Variants in DMD observed in about 807,000 individuals in gnomAD.
DMD encodes dystrophin, also known as mutant dystrophin.
DMD carries 63 observed loss-of-function variants against 330.1 expected under a neutral mutation model. The observed-to-expected ratio is 0.19, with a 90% CI of 0.16 to 0.24. The LOEUF (loss-of-function observed/expected upper bound fraction) is 0.24, where lower values mean the gene tolerates loss of function less well. Among genes scored for constraint, DMD ranks in the 10% least tolerant of loss-of-function variants. DMD has a pLI of 1.00. For synonymous variants in DMD, 1,223 were observed against 959.8 expected, an observed-to-expected ratio of 1.27 and a Z score of -5.07; for missense variants, 3,344 against 2,684.1, an observed-to-expected ratio of 1.25 and a Z score of -5.43.
chrX:31,961,926 G>A (rs1183619533), intron 45 of DMD, among the ~76,000 whole-genome samples: 1 of 110,281 alleles, frequency 9.1e-6, no homozygotes, highest in African/African-American at 3.3e-5. Context: ...ACTACGTGTG[G>A]CCATCAAAGG....
intron 52 of DMD, among the ~76,000 whole-genome samples, chrX:31,710,435 T>C (rs1263262124): frequency 1.8e-5 from 2 of 111,148 alleles, no homozygotes; most frequent in African/African-American, 3.3e-5. Flanking sequence ...TGTTTCTCTG[T>C]TTCTATTAAT....
intron 2 of DMD, among the ~76,000 whole-genome samples, chrX:33,019,054 A>G (rs1176921531): frequency 2.7e-5 from 3 of 111,914 alleles, no homozygotes; most frequent in African/African-American, 9.7e-5. Context: ...CTACTACCAA[A>G]TACCACAAAG....
intron 1 of DMD, among the ~76,000 whole-genome samples, chrX:33,278,816 G>A (rs2053275870): frequency 9.0e-6 from 1 of 111,484 alleles, no homozygotes; most frequent in African/African-American, 3.3e-5. Flanking sequence ...AGTAAAAAAG[G>A]ACAAAGAAGG....
chrX:33,271,173 A>T (rs899296143), intron 1 of DMD, among the ~76,000 whole-genome samples: 1 of 111,406 alleles, frequency 9.0e-6, no homozygotes, highest in Admixed American at 9.6e-5. Context: ...CAACATTTTC[A>T]TAGTGTCCAA....
chrX:32,545,608 G>A (rs1194732654), intron 16 of DMD, among the ~76,000 whole-genome samples: 2 of 111,459 alleles, frequency 1.8e-5, no homozygotes, highest in African/African-American at 6.5e-5. Flanking sequence ...AGGGGTGGGG[G>A]CAGAGGAGAA....
intron 7 of DMD, among the ~76,000 whole-genome samples, chrX:32,706,333 T>A (rs745705204): frequency 9.2e-6 from 1 of 108,136 alleles, no homozygotes; most frequent in South Asian, 4.3e-4. Context: ...TGTATACATA[T>A]GTAACAAACC....
rs773332856 is a variant in DMD, at chrX:31,260,944, C to T, written c.9286+11G>A. 5.0e-6 allele frequency: 6 copies of T among 1,205,429 alleles called. No homozygotes were observed. In the African/African-American group the frequency reaches 7.0e-5, roughly 14 times the overall value. ...TCATTTAACTTGGAGGAAACATGGC[C>T]ATGTCCTTACCTAAAGACTGGTAGA... is the stretch of plus-strand genomic sequence containing the variant. On this transcript the variant is annotated intron_variant, in intron 63 of 78. Coordinates refer to ENST00000357033, the MANE Select transcript of DMD (RefSeq NM_004006.3).
chrX:31,862,105 G>T (rs1055660759), intron 48 of DMD, among the ~76,000 whole-genome samples: 1 of 110,356 alleles, frequency 9.1e-6, no homozygotes, highest in Non-Finnish European at 1.9e-5. Context: ...TGTACTGGAA[G>T]AAAGTATCTA....
chrX:32,462,564 A>T (rs1363219773), intron 25 of DMD, among the ~76,000 whole-genome samples: 1 of 111,657 alleles, frequency 9.0e-6, no homozygotes, highest in Admixed American at 9.6e-5. Context: ...TTCTGTAGAA[A>T]AATGAGAAAC....
At chrX:32,105,727 G>A (rs1020741594) in intron 44 of DMD, among the ~76,000 whole-genome samples, 3 of 111,392 alleles carry the variant, frequency 2.7e-5, no homozygotes, top group African/African-American at 9.8e-5. Flanking sequence ...TCTTTATACT[G>A]CTAATAAGTC....
chrX:33,191,486 C>A (rs182607149), intron 1 of DMD, among the ~76,000 whole-genome samples: 9 of 110,508 alleles, frequency 8.1e-5, no homozygotes, highest in Admixed American at 1.9e-4. Context: ...TGCAGTGGCA[C>A]GAACTTGGCT....
At chrX:32,722,233 T>C (rs2066401811) in intron 7 of DMD, among the ~76,000 whole-genome samples, 1 of 110,473 alleles carries the variant, frequency 9.1e-6, no homozygotes, top group Non-Finnish European at 1.9e-5. Context: ...GTCAACCTTC[T>C]ATTTCCACGG....
intron 49 of DMD, among the ~76,000 whole-genome samples, chrX:31,826,511 T>C (rs1260022559): frequency 8.9e-6 from 1 of 112,230 alleles, no homozygotes; most frequent in African/African-American, 3.2e-5. Context: ...TGCTTTTCAC[T>C]TCTCTGGCAT....
chrX:32,426,781 AAAG>A lies in DMD; in HGVS notation c.4071+11457_4071+11459del, dbSNP rs747222293. On this transcript the variant is annotated intron_variant, in intron 29 of 78. Coordinates refer to ENST00000357033, the MANE Select transcript of DMD (RefSeq NM_004006.3). Reference sequence around the variant, plus strand: ...ACCATGGAACACTACGCAGCCACAAAAAGAAGGAGTTCGTGTCCTTTGCAGGAA... The same window carrying A: ...ACCATGGAACACTACGCAGCCACAAAAAGGAGTTCGTGTCCTTTGCAGGAA... 2.9e-3 allele frequency among the ~76,000 whole-genome samples: 320 copies of A among 112,028 alleles called. 1 individual carries two copies. Among genetic ancestry groups the A allele is most frequent in the African/African-American group, 9.9e-3 (305 of 30,795 alleles).
chrX:32,542,524 T>C (rs994082047), intron 17 of DMD, among the ~76,000 whole-genome samples: 20 of 111,320 alleles, frequency 1.8e-4, no homozygotes, highest in Non-Finnish European at 3.8e-4. Context: ...AGGTAAAGAG[T>C]CGTGGGTGAC....
At chrX:32,528,093 G>C (rs1400385897) in intron 17 of DMD, among the ~76,000 whole-genome samples, 1 of 111,877 alleles carries the variant, frequency 8.9e-6, no homozygotes, top group African/African-American at 3.3e-5. Flanking sequence ...CAGTTCACTT[G>C]AGGTCAGGAG....
At chrX:31,130,639 C>T (rs775171858) in intron 77 of DMD, among the ~76,000 whole-genome samples, 1 of 111,977 alleles carries the variant, frequency 8.9e-6, no homozygotes, top group Non-Finnish European at 1.9e-5. Flanking sequence ...GAGAAGCATG[C>T]CACTCATTTA....
At chrX:33,323,224 A>G (rs770998226) in intron 1 of DMD, among the ~76,000 whole-genome samples, 1 of 112,071 alleles carries the variant, frequency 8.9e-6, no homozygotes, top group South Asian at 3.7e-4. Flanking sequence ...TTTTTGTTAC[A>G]TCTAATACTG....
At chrX:31,414,468 A>C (rs1057440098) in intron 60 of DMD, among the ~76,000 whole-genome samples, 1 of 112,376 alleles carries the variant, frequency 8.9e-6, no homozygotes, top group African/African-American at 3.2e-5. Flanking sequence ...GTTATTCAAA[A>C]ATCATTTTTC....
Sources: gnomAD v4.1 joint callset for allele counts (sites outside exome capture counted in the v4.1 genomes callset) on GRCh38, gnomAD v4.1.1 for gene constraint, MANE v1.5 for transcripts, NCBI Gene and HGNC (gene_info 2026-07-23, HGNC 2026-07-21) for gene names.